HSPA9: variants seen among roughly 807,000 people sequenced by gnomAD.
HSPA9 encodes stress-70 protein, mitochondrial.
In HSPA9, 28 loss-of-function variants were observed where a neutral mutation model predicts 81.5. The observed-to-expected ratio is 0.34, with a 90% confidence interval of 0.25 to 0.47. HSPA9 has a LOEUF of 0.47. HSPA9 is among the 20% of genes least tolerant of loss of function. HSPA9 has a pLI of 1.00. For synonymous variants in HSPA9, 293 were observed against 290.4 expected (o/e 1.01, Z -0.09); for missense variants, 678 against 838.0 (o/e 0.81, Z 2.36).
intron 11 of HSPA9, chr5:138,559,600 A>G: frequency 2.3e-6 from 1 of 432,158 alleles, no homozygotes; most frequent in Non-Finnish European, 4.3e-6. Context: ...CCCTTTTAGC[A>G]AATTATGTTA....
Position 138,567,178 on chromosome 5 carries a change from T to TG in HSPA9, c.717-16dup, listed in dbSNP as rs758388596. Reference sequence around the variant, plus strand: ...ATACAGCAATGCTGTAAATGATTTGTGAAAAAAAAAAGAAAAGAAATCCTT... The same window carrying TG: ...ATACAGCAATGCTGTAAATGATTTGTGGAAAAAAAAAAGAAAAGAAATCCTT... On this transcript the variant is annotated splice_polypyrimidine_tract_variant and intron_variant, in intron 7 of 16. Coordinates refer to ENST00000297185, the MANE Select transcript of HSPA9 (RefSeq NM_004134.7). 4 of 1,543,636 alleles carry TG rather than the reference T, an allele frequency of 2.6e-6. No individual in the cohort carries two copies. The highest frequency in any genetic ancestry group is 2.6e-6 in the Non-Finnish European group (3 of 1,154,806).
In HSPA9 at chr5:138,555,078, A is replaced by C. The variant is rs933485651; in HGVS notation, c.*959T>G. The C allele has an allele frequency of 1.3e-5, 2 of 152,198 alleles. No homozygotes were observed. Among genetic ancestry groups the C allele is most frequent in the African/African-American group, 4.8e-5 (2 of 41,426 alleles). 9.4% of individuals were successfully genotyped at this position (152,198 alleles called of 1,614,324 possible). On this transcript the variant is annotated 3_prime_UTR_variant, in exon 17 of 17. Transcript: ENST00000297185. ...TCATGTTAGAGATCTAGAAACTTTC[A>C]TGTTAGAGATCTAGAAACTTTCAAG...
intron 1 of HSPA9, chr5:138,574,880 G>A: frequency 5.6e-6 from 2 of 358,322 alleles, no homozygotes; most frequent in South Asian, 6.8e-5. Context: ...TCTGTATTCT[G>A]TAGAGGAGCC....
At chr5:138,562,358 G>C (rs139969498) in intron 9 of HSPA9, among the ~76,000 whole-genome samples, 16 of 149,136 alleles carry the variant, frequency 1.1e-4, no homozygotes, top group Non-Finnish European at 1.5e-4. Context: ...GACCATCCTG[G>C]CTAACATGGT....
At chr5:138,574,161 G>A in intron 1 of HSPA9, 35 bp from the exon 2 acceptor site, 1 of 1,509,818 alleles carries the variant, frequency 6.6e-7, no homozygotes, top group Non-Finnish European at 9.2e-7. Context: ...TCACCAACCA[G>A]TGTGTATCCT....
At chr5:138,571,358 T>A (rs539847051) in intron 3 of HSPA9, among the ~76,000 whole-genome samples, 3 of 152,076 alleles carry the variant, frequency 2.0e-5, no homozygotes, top group Admixed American at 1.3e-4. Context: ...TTTTTCGGCA[T>A]TTTTTAGTAG....
chr5:138,556,402 C>G, intron 16 of HSPA9, 50 bp downstream of exon 16: 1 of 1,600,794 alleles, frequency 6.2e-7, no homozygotes, highest in Non-Finnish European at 8.5e-7. Context: ...TCATCAAGAA[C>G]AGTTCCATCC....
At chr5:138,572,755 A>G (rs760744769) in intron 3 of HSPA9, among the ~76,000 whole-genome samples, 38 of 152,080 alleles carry the variant, frequency 2.5e-4, no homozygotes, top group Non-Finnish European at 4.0e-4. Context: ...TCTTGGCCCT[A>G]ATTTGGGCTT....
At chr5:138,571,805 A>G (rs777369531) in intron 3 of HSPA9, among the ~76,000 whole-genome samples, 3 of 73,326 alleles carry the variant, frequency 4.1e-5, no homozygotes, top group Non-Finnish European at 6.4e-5. Context: ...ACCACACCCA[A>G]CTAATTTTGT....
intron 1 of HSPA9, chr5:138,574,719 C>T (rs1265738864): frequency 6.1e-6 from 1 of 164,240 alleles, no homozygotes; most frequent in Admixed American, 5.9e-5. Flanking sequence ...AGCCTTTTCT[C>T]CGCCCCACGA....
In HSPA9 at chr5:138,567,314, A is replaced by G; in HGVS notation, c.716+141T>C. ...AATTACCATGGCCCAAAAGAAAAGA[A>G]AAGAATGGTTTTGAAATGAAAAAAC... On this transcript the variant is annotated intron_variant, in intron 7 of 16. Coordinates refer to ENST00000297185, the MANE Select transcript of HSPA9 (RefSeq NM_004134.7). The G allele has an allele frequency of 6.0e-6, 6 of 1,004,092 alleles. No individual in the cohort carries two copies. In the South Asian group the frequency reaches 7.1e-5, roughly 12 times the overall value. The allele number at this position is 1,004,092 out of a possible 1,614,324, so 62.2% of individuals were successfully genotyped here. A position where few individuals can be genotyped will look rare whatever the true frequency, so the allele number is the denominator to read the frequency against.
chr5:138,566,950 A>G (rs1236768066), intron 8 of HSPA9, 51 bp downstream of exon 8: 2 of 1,574,090 alleles, frequency 1.3e-6, no homozygotes, highest in African/African-American at 1.3e-5. Flanking sequence ...ATCTGAACAA[A>G]GAATTTCTCA....
In HSPA9 at chr5:138,573,668, A is replaced by G. The variant is rs1050885639; in HGVS notation, c.228+95T>C. 17 of 594,222 alleles carry G rather than the reference A, an allele frequency of 2.9e-5. No homozygotes were observed. In the East Asian group the frequency reaches 3.0e-4, roughly 10 times the overall value. 36.8% of individuals were successfully genotyped at this position (594,222 alleles called of 1,614,324 possible). A position where few individuals can be genotyped will look rare whatever the true frequency, so the allele number is the denominator to read the frequency against. On this transcript the variant is annotated intron_variant, in intron 3 of 16. Coordinates refer to ENST00000297185, the MANE Select transcript of HSPA9 (RefSeq NM_004134.7). ...AAAAAAAAAAAAAAAAAAAAAAAAA[A>G]GCGCAAATCAGGTTCTCAAATTCCT...
chr5:138,568,016 T>C (rs1750801201), intron 5 of HSPA9, among the ~76,000 whole-genome samples: 4 of 150,642 alleles, frequency 2.7e-5, no homozygotes, highest in South Asian at 4.2e-4. Flanking sequence ...AGAAACCCCA[T>C]CTCTACTAAA....
chr5:138,560,266 C>T (rs1750625520), intron 10 of HSPA9, among the ~76,000 whole-genome samples, 175 bp from the exon 11 acceptor site: 1 of 152,230 alleles, frequency 6.6e-6, no homozygotes, highest in African/African-American at 2.4e-5. Flanking sequence ...GATCTTCTAA[C>T]ACTCATACAC....
chr5:138,571,276 G>T (rs1750878740), intron 3 of HSPA9, 135 bp from the exon 4 acceptor site: 1 of 841,544 alleles, frequency 1.2e-6, no homozygotes, highest in Non-Finnish European at 1.9e-6. Flanking sequence ...CGCATCCTGG[G>T]TTCAAGCGAT....
intron 4 of HSPA9, among the ~76,000 whole-genome samples, chr5:138,570,089 G>A (rs890740657): frequency 2.0e-5 from 3 of 151,898 alleles, no homozygotes; most frequent in African/African-American, 7.2e-5. Context: ...AGTTGTCCAG[G>A]CTGGTCTCGA....
intron 3 of HSPA9, 41 bp downstream of exon 3, chr5:138,573,722 G>C (rs1328035806): frequency 1.7e-6 from 2 of 1,162,152 alleles, no homozygotes; most frequent in Non-Finnish European, 2.6e-6. Flanking sequence ...CAGAATTCTG[G>C]ACAGATTCTG....
Position 138,571,960 on chromosome 5 carries a change from C to CTTTTTTTTTTTTTT in HSPA9, c.229-833_229-820dup, listed in dbSNP as rs10694029. On this transcript the variant is annotated intron_variant, in intron 3 of 16. Transcript: ENST00000297185. ...TACAGGCTTGAGGCACTGCGCCTGG[C>CTTTTTTTTTTTTTT]TTTTTTTTTTTTTTTTGAGACAGAG... is the stretch of plus-strand genomic sequence containing the variant. 1.8e-3 allele frequency among the ~76,000 whole-genome samples: 179 copies of CTTTTTTTTTTTTTT among 100,428 alleles called. 21 individuals are homozygous for CTTTTTTTTTTTTTT. The highest frequency in any genetic ancestry group is 7.0e-3 in the African/African-American group (166 of 23,658). The allele number at this position is 100,428 out of a possible 152,430, so 65.9% of individuals were successfully genotyped here. A position where few individuals can be genotyped will look rare whatever the true frequency, so the allele number is the denominator to read the frequency against.
Sources: gnomAD v4.1 joint callset for allele counts (sites outside exome capture counted in the v4.1 genomes callset) on GRCh38, gnomAD v4.1.1 for gene constraint, MANE v1.5 for transcripts, NCBI Gene and HGNC (gene_info 2026-07-23, HGNC 2026-07-21) for gene names.